Variants in SLC9A9 observed in about 807,000 individuals in gnomAD.
SLC9A9 encodes the protein sodium/hydrogen exchanger 9.
Under a neutral mutation model 77.8 loss-of-function variants are expected in SLC9A9, and 62 were observed. The observed-to-expected ratio is 0.80, with a 90% CI of 0.65 to 0.98. The LOEUF is 0.98. Among genes scored for constraint, SLC9A9 ranks in the 50% least tolerant of loss-of-function variants. The pLI, the probability that SLC9A9 is intolerant of heterozygous loss-of-function variation, is 0.00. For synonymous variants in SLC9A9, 320 were observed against 283.5 expected (o/e 1.13, Z -1.29); for missense variants, 775 against 774.9 (o/e 1.00, Z 0.00).
At chr3:143,398,305 CT>C (rs1179956266) in intron 12 of SLC9A9, among the ~76,000 whole-genome samples, 1 of 152,120 alleles carries the variant, frequency 6.6e-6, no homozygotes, top group Non-Finnish European at 1.5e-5. Context: ...AATATTTGAG[CT>C]TGTATTCACA....
Position 143,480,122 on chromosome 3 carries a change from T to G in SLC9A9, c.1316-12932A>C, listed in dbSNP as rs145444357. Among the ~76,000 whole-genome samples the G allele has an allele frequency of 1.9e-3, 297 of 152,358 alleles. 1 individual carries two copies. Among genetic ancestry groups the G allele is most frequent in the African/African-American group, 7.0e-3 (291 of 41,588 alleles). On this transcript the variant is annotated intron_variant, in intron 11 of 15. Transcript: ENST00000316549. ...CACAGTTCCAGGTGGCTGAGCCAGC[T>G]TCAAAGCCTGAATTCACTGTACTTC...
chr3:143,644,454 A>T (rs1345244943), intron 6 of SLC9A9, among the ~76,000 whole-genome samples: 1 of 152,208 alleles, frequency 6.6e-6, no homozygotes, highest in African/African-American at 2.4e-5. Context: ...GAATATAATC[A>T]AGGTCAAGTC....
At chr3:143,557,809 C>G (rs1024156717) in intron 8 of SLC9A9, among the ~76,000 whole-genome samples, 3 of 152,024 alleles carry the variant, frequency 2.0e-5, no homozygotes, top group African/African-American at 4.8e-5. Context: ...TTCAAGAAAA[C>G]TCAAAACAGA....
intron 6 of SLC9A9, among the ~76,000 whole-genome samples, chr3:143,610,294 A>T (rs913911760): frequency 6.6e-6 from 1 of 152,068 alleles, no homozygotes; most frequent in Non-Finnish European, 1.5e-5. Context: ...GACTACAAGC[A>T]TGCCACCACA....
At chr3:143,632,210 C>T (rs928063097) in intron 6 of SLC9A9, among the ~76,000 whole-genome samples, 1 of 152,198 alleles carries the variant, frequency 6.6e-6, no homozygotes, top group Non-Finnish European at 1.5e-5. Context: ...AGGTAGAATA[C>T]GATCTCAGCT....
At chr3:143,444,508 A>T (rs2034807327) in intron 12 of SLC9A9, among the ~76,000 whole-genome samples, 1 of 152,122 alleles carries the variant, frequency 6.6e-6, no homozygotes, top group Non-Finnish European at 1.5e-5. Flanking sequence ...CCCAACACAC[A>T]CGTACATACC....
intron 1 of SLC9A9, among the ~76,000 whole-genome samples, chr3:143,837,914 T>G (rs950038959): frequency 1.3e-5 from 2 of 152,202 alleles, no homozygotes; most frequent in African/African-American, 4.8e-5. Flanking sequence ...GCCAGCCTGA[T>G]GTTGAAGTCA....
At chr3:143,683,554 A>G (rs992944350) in intron 5 of SLC9A9, among the ~76,000 whole-genome samples, 1 of 152,132 alleles carries the variant, frequency 6.6e-6, no homozygotes, top group Admixed American at 6.6e-5. Flanking sequence ...AATCGGGAAA[A>G]TTTCAGTGTG....
intron 13 of SLC9A9, among the ~76,000 whole-genome samples, chr3:143,370,560 T>TGCGC (rs1491119201): frequency 9.0e-5 from 6 of 66,658 alleles, no homozygotes; most frequent in African/African-American, 2.1e-4. Flanking sequence ...AGTATATGCA[T>TGCGC]GTGCGCGCAC....
At chr3:143,407,557 A>C (rs1003276880) in intron 12 of SLC9A9, among the ~76,000 whole-genome samples, 1 of 152,134 alleles carries the variant, frequency 6.6e-6, no homozygotes, top group African/African-American at 2.4e-5. Context: ...TATTTTTATG[A>C]TGTTTTGTGC....
intron 6 of SLC9A9, among the ~76,000 whole-genome samples, chr3:143,594,885 G>A (rs1022914972): frequency 6.6e-6 from 1 of 152,200 alleles, no homozygotes; most frequent in Admixed American, 6.5e-5. Context: ...TTGAAAGGTG[G>A]AATGTTTGGC....
intron 3 of SLC9A9, among the ~76,000 whole-genome samples, chr3:143,796,624 G>A (rs775822844): frequency 6.6e-6 from 1 of 152,168 alleles, no homozygotes; most frequent in Non-Finnish European, 1.5e-5. Context: ...ATAGTTACAT[G>A]TGGTTAATGG....
At chr3:143,374,519 A>C (rs1239107210) in intron 13 of SLC9A9, among the ~76,000 whole-genome samples, 2 of 151,888 alleles carry the variant, frequency 1.3e-5, no homozygotes, top group East Asian at 3.8e-4. Context: ...GACAACCATC[A>C]AACCAGAATT....
intron 2 of SLC9A9, among the ~76,000 whole-genome samples, chr3:143,824,996 A>C (rs918905627): frequency 4.6e-5 from 7 of 152,204 alleles, no homozygotes; most frequent in Non-Finnish European, 7.3e-5. Flanking sequence ...ACGTGGTAGG[A>C]GCCAAGAATT....
At chr3:143,798,974 G>A (rs2108861643) in intron 2 of SLC9A9, among the ~76,000 whole-genome samples, 1 of 152,120 alleles carries the variant, frequency 6.6e-6, no homozygotes, top group African/African-American at 2.4e-5. Context: ...CTCAGCCTCT[G>A]CTCCTCCACC....
chr3:143,590,060 C>T (rs1488311074), intron 6 of SLC9A9, among the ~76,000 whole-genome samples: 1 of 152,218 alleles, frequency 6.6e-6, no homozygotes. Context: ...GACCTCTCCT[C>T]TATATTGAAT....
At chr3:143,275,686 AT>A (rs1231120235) in intron 14 of SLC9A9, among the ~76,000 whole-genome samples, 1 of 151,424 alleles carries the variant, frequency 6.6e-6, no homozygotes, top group African/African-American at 2.4e-5. Flanking sequence ...TAATTCTTTC[AT>A]GTCTTGTATC....
intron 6 of SLC9A9, among the ~76,000 whole-genome samples, chr3:143,629,270 A>G (rs2038381916): frequency 6.6e-6 from 1 of 152,192 alleles, no homozygotes; most frequent in South Asian, 2.1e-4. Flanking sequence ...ACAAGTACAT[A>G]CTGAGTATCT....
chr3:143,827,206 T>C lies in SLC9A9; in HGVS notation c.378+4813A>G, dbSNP rs114506462. On this transcript the variant is annotated intron_variant, in intron 2 of 15. Coordinates refer to ENST00000316549, the MANE Select transcript of SLC9A9 (RefSeq NM_173653.4). ...AACTTATGTTTGCAAAGCTATCATG[T>C]AATAGGATGTAGGCCCTAAAGGGTT... Among the ~76,000 whole-genome samples, 815 of 152,348 alleles carry C rather than the reference T, an allele frequency of 5.3e-3. 7 individuals carry two copies. Among genetic ancestry groups the C allele is most frequent in the African/African-American group, 0.019 (789 of 41,576 alleles).
Sources: gnomAD v4.1 joint callset for allele counts (sites outside exome capture counted in the v4.1 genomes callset) on GRCh38, gnomAD v4.1.1 for gene constraint, MANE v1.5 for transcripts, NCBI Gene and HGNC (gene_info 2026-07-23, HGNC 2026-07-21) for gene names.